RAET1E: variants seen among roughly 807,000 people sequenced by gnomAD.
RAET1E encodes NKG2D ligand 4.
RAET1E carries 27 observed loss-of-function variants against 21.1 expected under a neutral mutation model. The observed-to-expected ratio is 1.28, with a 90% CI of 0.94 to 1.76. RAET1E has a LOEUF of 1.76. Among genes scored for constraint, RAET1E ranks in the 40% most tolerant of loss-of-function variants. RAET1E has a pLI of 0.00. For missense variants in RAET1E, 310 were observed against 311.3 expected, an observed-to-expected ratio of 1.00 and a Z score of 0.03; for synonymous variants, 113 against 115.0, an observed-to-expected ratio of 0.98 and a Z score of 0.11.
intron 4 of RAET1E, 89 bp from the exon 5 acceptor site, chr6:149,889,712 G>T (rs1387959621): frequency 1.3e-6 from 2 of 1,527,486 alleles, no homozygotes; most frequent in Non-Finnish European, 1.8e-6. Context: ...CACATTTAGG[G>T]GTCTGTATTC....
At position 149,884,404 on chromosome 6, in the gene RAET1E, C is replaced by T; in HGVS notation, c.*4094G>A. 7.7e-7 allele frequency: 1 copy of T among 1,302,196 alleles called. No individual in the cohort carries two copies. The highest frequency in any genetic ancestry group is 1.1e-6 in the Non-Finnish European group (1 of 934,664). The allele number at this position is 1,302,196 out of a possible 1,614,324, so 80.7% of individuals were successfully genotyped here. On this transcript the variant is annotated 3_prime_UTR_variant, in exon 6 of 6. Coordinates refer to ENST00000357183, the MANE Select transcript of RAET1E (RefSeq NM_001394057.1). ...TTGCAGGCTCCGCCTCCACTTGACT[C>T]AGGGAACACACAGCAGTGGGAGCCA...
chr6:149,886,247 A>G lies in RAET1E; in HGVS notation c.*2251T>C, dbSNP rs555416101. 2.6e-5 allele frequency among the ~76,000 whole-genome samples: 4 copies of G among 152,290 alleles called. No homozygotes were observed. The East Asian group carries it at 5.8e-4, about 22-fold the overall frequency. ...TTTTCCTTGTACTTTTTAATTTGAT[A>G]TATAGTTATTTGGAAGCATATTATT... On this transcript the variant is annotated 3_prime_UTR_variant, in exon 6 of 6. Transcript: ENST00000357183.
intron 2 of RAET1E, among the ~76,000 whole-genome samples, chr6:149,892,593 T>G (rs1219716635): frequency 6.6e-6 from 1 of 152,236 alleles, no homozygotes; most frequent in Non-Finnish European, 1.5e-5. Context: ...TCTTTGTAGA[T>G]TCTGGATATT....
rs1777518089 is a variant in RAET1E at position 149,884,372 on chromosome 6, C to T, written c.*4126G>A. The T allele has an allele frequency of 3.1e-6, 3 of 967,174 alleles. No individual in the cohort carries two copies. The highest frequency in any genetic ancestry group is 2.0e-5 in the Admixed American group (1 of 49,508). 59.9% of individuals were successfully genotyped at this position (967,174 alleles called of 1,614,324 possible). On this transcript the variant is annotated 3_prime_UTR_variant, in exon 6 of 6. Coordinates refer to ENST00000357183, the MANE Select transcript of RAET1E (RefSeq NM_001394057.1). Reference sequence around the variant, plus strand: ...AGACTGGAATGCAGAGGCGCGATCTCCGCTCATTGCAGGCTCCGCCTCCAC... The same window carrying T: ...AGACTGGAATGCAGAGGCGCGATCTTCGCTCATTGCAGGCTCCGCCTCCAC...
chr6:149,891,502 G>GTGTGTGTA (rs1179388088), intron 2 of RAET1E, among the ~76,000 whole-genome samples: 17 of 152,214 alleles, frequency 1.1e-4, no homozygotes, highest in Admixed American at 1.1e-3. Context: ...GTGTGTGTGT[G>GTGTGTGTA]TGTAATTGTA....
Position 149,888,448 on chromosome 6 carries a change from C to CG in RAET1E, c.*49dup, listed in dbSNP as rs749725583. 86 of 1,592,210 alleles carry CG rather than the reference C, an allele frequency of 5.4e-5. 1 individual carries two copies. Among genetic ancestry groups the CG allele is most frequent in the Middle Eastern group, 1.7e-4 (1 of 5,944 alleles). On this transcript the variant is annotated 3_prime_UTR_variant, in exon 6 of 6. Transcript: ENST00000357183. ...CTGTGGAGAGAGATGGATCAGGGAG[C>CG]GGGGGCTTGGATGAGACCCATGATT... is the stretch of plus-strand genomic sequence containing the variant.
At position 149,890,130 on chromosome 6, in the gene RAET1E, C is replaced by G; in HGVS notation, c.101G>C (p.Cys34Ser). The change falls in exon 4 of 6, where the codon TGC (cysteine) becomes TCC (serine). Residue 34 changes from cysteine to serine, a missense_variant. By Grantham distance (112) the Cys-to-Ser change is moderately radical. Coordinates refer to ENST00000357183, the MANE Select transcript of RAET1E (RefSeq NM_001394057.1). ...LEIMVGGHSL[C>S]FNFTIKSLSR... ...CAATGATTTTATAGTGAAGTTGAAG[C>G]AAAGAGAGTGACCACCTGTGAGACA... is the stretch of plus-strand genomic sequence containing the variant. 1 of 1,614,108 alleles carries G rather than the reference C, an allele frequency of 6.2e-7. No individual in the cohort carries two copies.
At position 149,887,892 on chromosome 6, in the gene RAET1E, C is replaced by T. The variant is rs1252079942; in HGVS notation, c.*606G>A. Among the ~76,000 whole-genome samples, 1 of 152,200 alleles carries T rather than the reference C, an allele frequency of 6.6e-6. No individual in the cohort carries two copies. The highest frequency in any genetic ancestry group is 1.5e-5 in the Non-Finnish European group (1 of 68,030). ...GGACCAAAGAGCAGAAGATGTCTGG[C>T]AATGTGTCTGGCATATAATAGTTCT... On this transcript the variant is annotated 3_prime_UTR_variant, in exon 6 of 6. Transcript: ENST00000357183.
chr6:149,897,860 C>T (rs903953700), intron 1 of RAET1E, among the ~76,000 whole-genome samples, 161 bp downstream of exon 1: 3 of 152,008 alleles, frequency 2.0e-5, no homozygotes, highest in East Asian at 3.9e-4. Flanking sequence ...CCAGCGTCCC[C>T]GCCGCCACAC....
At chr6:149,890,281 C>CTTCTGGAT (rs1236436250) in intron 3 of RAET1E, 136 bp from the exon 4 acceptor site, 1 of 848,110 alleles carries the variant, frequency 1.2e-6, no homozygotes, top group Non-Finnish European at 1.8e-6. Context: ...CTCCCTCAAC[C>CTTCTGGAT]TTCTGGATCC....
rs568617618 is a variant in RAET1E, at chr6:149,886,543, T to C, written c.*1955A>G. ...CCGAGTAGCTGGGATTACAGGCCCA[T>C]GCCACCACACCCGGCTAATTTTTGT... On this transcript the variant is annotated 3_prime_UTR_variant, in exon 6 of 6. Coordinates refer to ENST00000357183, the MANE Select transcript of RAET1E (RefSeq NM_001394057.1). Among the ~76,000 whole-genome samples, 1 of 152,174 alleles carries C rather than the reference T, an allele frequency of 6.6e-6. No homozygotes were observed. The highest frequency in any genetic ancestry group is 1.5e-5 in the Non-Finnish European group (1 of 68,022).
Position 149,888,297 on chromosome 6 carries a change from T to G in RAET1E, c.*201A>C. 1 of 732,928 alleles carries G rather than the reference T, an allele frequency of 1.4e-6. No homozygotes were observed. The highest frequency in any genetic ancestry group is 2.4e-6 in the Non-Finnish European group (1 of 421,320). 45.4% of individuals were successfully genotyped at this position (732,928 alleles called of 1,614,324 possible). On this transcript the variant is annotated 3_prime_UTR_variant, in exon 6 of 6. Coordinates refer to ENST00000357183, the MANE Select transcript of RAET1E (RefSeq NM_001394057.1). ...AAGGAGACAACACCCCAGGCAGGCG[T>G]TCCAGATCTTTGACCTTGCCCCTCC... is the stretch of plus-strand genomic sequence containing the variant.
chr6:149,893,241 G>A (rs1777982420), intron 2 of RAET1E, among the ~76,000 whole-genome samples: 1 of 152,226 alleles, frequency 6.6e-6, no homozygotes, highest in Non-Finnish European at 1.5e-5. Flanking sequence ...TGTGAAGAAA[G>A]TCAGTGGTAG....
intron 3 of RAET1E, 134 bp downstream of exon 3, chr6:149,890,683 G>A (rs1777851201): frequency 1.5e-6 from 1 of 654,800 alleles, no homozygotes. Context: ...AACATCCCAG[G>A]GATCCTCTTC....
At chr6:149,890,781 T>A in intron 3 of RAET1E, 36 bp downstream of exon 3, 1 of 1,478,578 alleles carries the variant, frequency 6.8e-7, no homozygotes, top group Non-Finnish European at 9.5e-7. Flanking sequence ...TCCCTCCTCC[T>A]TGTCCTCAGC....
intron 2 of RAET1E, among the ~76,000 whole-genome samples, chr6:149,895,280 G>A (rs532397897): frequency 7.2e-5 from 11 of 152,332 alleles, no homozygotes; most frequent in South Asian, 2.1e-4. Context: ...AGCAGAGCTC[G>A]AATGCTGTGC....
Position 149,888,209 on chromosome 6 carries a change from G to A in RAET1E, c.*289C>T, listed in dbSNP as rs911835572. On this transcript the variant is annotated 3_prime_UTR_variant, in exon 6 of 6. Transcript: ENST00000357183. The stretch of plus-strand genomic sequence containing the variant: ...GATGGGACCTGCTGAGCTAAATCAC[G>A]GTAAACGCAGACAGCAAACAAACTT... 3.1e-6 allele frequency: 2 copies of A among 638,892 alleles called. No individual in the cohort carries two copies. Among genetic ancestry groups the A allele is most frequent in the Non-Finnish European group, 5.9e-6 (2 of 340,710 alleles). 39.6% of individuals were successfully genotyped at this position (638,892 alleles called of 1,614,324 possible). A position where few individuals can be genotyped will look rare whatever the true frequency, so the allele number is the denominator to read the frequency against.
chr6:149,884,249 A>AT lies in RAET1E; in HGVS notation c.*4248dup, dbSNP rs1309762432. 20 of 494,382 alleles carry AT rather than the reference A, an allele frequency of 4.0e-5. No homozygotes were observed. The highest frequency in any genetic ancestry group is 3.4e-4 in the African/African-American group (18 of 52,288). 30.6% of individuals were successfully genotyped at this position (494,382 alleles called of 1,614,324 possible). A position where few individuals can be genotyped will look rare whatever the true frequency, so the allele number is the denominator to read the frequency against. On this transcript the variant is annotated 3_prime_UTR_variant, in exon 6 of 6. Coordinates refer to ENST00000357183, the MANE Select transcript of RAET1E (RefSeq NM_001394057.1). ...TGCCTAGGCCTCCCAAAGTGTTGGGATTATAGATGTGAGCTGCTGTGCCCA... is the reference window on the plus strand; with the variant it reads ...TGCCTAGGCCTCCCAAAGTGTTGGGATTTATAGATGTGAGCTGCTGTGCCCA...
At chr6:149,889,718 T>C in intron 4 of RAET1E, 95 bp from the exon 5 acceptor site, 3 of 1,520,274 alleles carry the variant, frequency 2.0e-6, no homozygotes, top group African/African-American at 1.4e-5. Flanking sequence ...TAGGGGTCTG[T>C]ATTCTTTCTG....
Sources: gnomAD v4.1 joint callset for allele counts (sites outside exome capture counted in the v4.1 genomes callset) on GRCh38, gnomAD v4.1.1 for gene constraint, MANE v1.5 for transcripts, NCBI Gene and HGNC (gene_info 2026-07-23, HGNC 2026-07-21) for gene names.